Variants in SORCS2 observed in about 807,000 individuals in gnomAD.
SORCS2 encodes VPS10 domain-containing receptor SorCS2.
Under a neutral mutation model 141.6 loss-of-function variants are expected in SORCS2, and 100 were observed. The ratio of observed to expected loss-of-function variants is 0.71; its 90% CI spans 0.60 to 0.83. The LOEUF is 0.83. Ranked by LOEUF, SORCS2 falls within the 40% of genes least tolerant of loss-of-function variation. SORCS2 has a pLI of 0.00. For synonymous variants in SORCS2, 789 were observed against 676.9 expected (o/e 1.17, Z -2.57); for missense variants, 1,646 against 1,560.2 (o/e 1.05, Z -0.93).
chr4:7,527,842 A>G (rs1733792013), intron 2 of SORCS2, among the ~76,000 whole-genome samples: 1 of 152,122 alleles, frequency 6.6e-6, no homozygotes, highest in Admixed American at 6.5e-5. Context: ...TAAAAGCTTT[A>G]GGAGGAAATG....
At position 7,518,491 on chromosome 4, in the gene SORCS2, A is replaced by G. The variant is rs186089021; in HGVS notation, c.549-13039A>G. 3.6e-4 allele frequency among the ~76,000 whole-genome samples: 55 copies of G among 152,302 alleles called. 1 individual carries two copies. Among genetic ancestry groups the G allele is most frequent in the African/African-American group, 1.3e-3 (52 of 41,570 alleles). ...GCTGTGTGTCTCGTGGGGACTGCAG[A>G]GTCCAGCTAATTCCATTGTGTTGTT... is the stretch of plus-strand genomic sequence containing the variant. On this transcript the variant is annotated intron_variant, in intron 2 of 26. Transcript: ENST00000507866.
chr4:7,658,267 GTCTGTGATTGAGCAAGTGAA>G (rs1323683443), intron 5 of SORCS2, among the ~76,000 whole-genome samples: 6 of 140,410 alleles, frequency 4.3e-5, no homozygotes, highest in African/African-American at 2.0e-4. Flanking sequence ...GAGTGAATGA[GTCTGTGATTGAGCAAGTGAA>G]TGAGTGAGTG....
chr4:7,335,294 T>G (rs1344479531), intron 1 of SORCS2, among the ~76,000 whole-genome samples: 3 of 152,216 alleles, frequency 2.0e-5, no homozygotes, highest in Non-Finnish European at 2.9e-5. Context: ...CTCCCCTTAG[T>G]CTGGGAAATC....
chr4:7,434,355 G>T (rs1727130534), intron 2 of SORCS2: 1 of 1,608,458 alleles, frequency 6.2e-7, no homozygotes, highest in Non-Finnish European at 8.5e-7. Context: ...GCGCCTGGCG[G>T]GGGTGGAAGG....
At chr4:7,366,384 C>T (rs1466240306) in intron 1 of SORCS2, among the ~76,000 whole-genome samples, 2 of 151,852 alleles carry the variant, frequency 1.3e-5, no homozygotes, top group South Asian at 2.1e-4. Flanking sequence ...GGGCAGCCTG[C>T]GGGGGGATCC....
intron 17 of SORCS2, 150 bp downstream of exon 17, chr4:7,715,461 C>A: frequency 8.4e-7 from 1 of 1,194,306 alleles, no homozygotes; most frequent in Non-Finnish European, 1.2e-6. Flanking sequence ...ATGCCCCACG[C>A]TCACAGCACA....
At chr4:7,549,194 A>G (rs948637356) in intron 3 of SORCS2, among the ~76,000 whole-genome samples, 15 of 151,990 alleles carry the variant, frequency 9.9e-5, no homozygotes, top group African/African-American at 3.6e-4. Context: ...CATTTCTTCT[A>G]TCTCTACTGG....
intron 11 of SORCS2, among the ~76,000 whole-genome samples, chr4:7,693,705 C>T (rs1478646537): frequency 6.6e-6 from 1 of 152,250 alleles, no homozygotes; most frequent in East Asian, 1.9e-4. Flanking sequence ...GAGCTGGGAG[C>T]ACCACAGCCT....
At chr4:7,659,724 C>T (rs1722028782) in intron 5 of SORCS2, among the ~76,000 whole-genome samples, 1 of 152,168 alleles carries the variant, frequency 6.6e-6, no homozygotes, top group Non-Finnish European at 1.5e-5. Context: ...TGCAGGTGGG[C>T]AGTCTGTGAG....
At chr4:7,342,008 C>T (rs922640164) in intron 1 of SORCS2, among the ~76,000 whole-genome samples, 1 of 152,206 alleles carries the variant, frequency 6.6e-6, no homozygotes, top group Admixed American at 6.5e-5. Context: ...GGTCCAGTCA[C>T]GTCATACCAT....
At chr4:7,422,335 G>C (rs964482735) in intron 2 of SORCS2, among the ~76,000 whole-genome samples, 1 of 152,202 alleles carries the variant, frequency 6.6e-6, no homozygotes, top group Admixed American at 6.5e-5. Context: ...GCTGCCCGGA[G>C]CCTGCAGCCT....
chr4:7,688,681 C>T (rs1206480107), intron 10 of SORCS2, among the ~76,000 whole-genome samples: 1 of 150,756 alleles, frequency 6.6e-6, no homozygotes, highest in African/African-American at 2.4e-5. Context: ...ATTGCGCTGC[C>T]TCACTTCACC....
chr4:7,611,932 G>A (rs1030161386), intron 3 of SORCS2, among the ~76,000 whole-genome samples: 2 of 152,278 alleles, frequency 1.3e-5, no homozygotes, highest in African/African-American at 4.8e-5. Flanking sequence ...CGAGAGGCCA[G>A]GGAGGCCAGT....
intron 2 of SORCS2, among the ~76,000 whole-genome samples, chr4:7,511,379 C>CA (rs56067285): frequency 7.7e-6 from 1 of 130,578 alleles, no homozygotes; most frequent in East Asian, 2.3e-4. Context: ...GAGGTACACA[C>CA]AAAAAGCCAG....
chr4:7,397,229 G>T (rs1052861604), intron 2 of SORCS2, among the ~76,000 whole-genome samples: 7 of 152,142 alleles, frequency 4.6e-5, no homozygotes, highest in Non-Finnish European at 5.9e-5. Flanking sequence ...AAGGGGTTTG[G>T]TGATTCATTC....
chr4:7,218,138 G>A (rs540478698), intron 1 of SORCS2, among the ~76,000 whole-genome samples: 129 of 152,294 alleles, frequency 8.5e-4, no homozygotes, highest in African/African-American at 3.0e-3. Context: ...ATCTTTGGAG[G>A]TTTCCGAGTG....
intron 1 of SORCS2, among the ~76,000 whole-genome samples, chr4:7,326,354 G>A (rs1035883793): frequency 4.6e-5 from 7 of 152,092 alleles, no homozygotes; most frequent in South Asian, 2.1e-4. Context: ...CTGTCTCCTC[G>A]TCTGTAAAGT....
intron 3 of SORCS2, among the ~76,000 whole-genome samples, chr4:7,579,182 A>G (rs576578836): frequency 1.6e-4 from 25 of 152,308 alleles, no homozygotes; most frequent in South Asian, 8.3e-4. Context: ...TGTTTCTTCA[A>G]TGAGAAAGTC....
At chr4:7,366,610 A>G (rs1039036796) in intron 1 of SORCS2, among the ~76,000 whole-genome samples, 3 of 151,528 alleles carry the variant, frequency 2.0e-5, no homozygotes, top group African/African-American at 7.3e-5. Flanking sequence ...ATCTGCCTGG[A>G]ACCTCCTCCT....
Sources: gnomAD v4.1 joint callset for allele counts (sites outside exome capture counted in the v4.1 genomes callset) on GRCh38, gnomAD v4.1.1 for gene constraint, MANE v1.5 for transcripts, NCBI Gene and HGNC (gene_info 2026-07-23, HGNC 2026-07-21) for gene names.